PDIA5: variants seen among roughly 807,000 people sequenced by gnomAD.
PDIA5 encodes the protein protein disulfide isomerase family A member 5.
PDIA5 carries 58 observed loss-of-function variants against 77.6 expected under a neutral mutation model. That is an observed-to-expected ratio of 0.75 (90% CI 0.61 to 0.93). The LOEUF is 0.93. Among genes scored for constraint, PDIA5 ranks in the 40% least tolerant of loss-of-function variants. PDIA5 has a pLI of 0.00. For synonymous variants in PDIA5, 250 were observed against 252.1 expected (o/e 0.99, Z 0.08); for missense variants, 630 against 647.7 (o/e 0.97, Z 0.30).
chr3:123,145,079 C>T (rs2107981267), intron 11 of PDIA5: 1 of 158,390 alleles, frequency 6.3e-6, no homozygotes, highest in Admixed American at 6.4e-5. Context: ...CATGGTGCCA[C>T]AACCTACACG....
intron 1 of PDIA5, among the ~76,000 whole-genome samples, chr3:123,084,897 A>T (rs1159694473): frequency 6.6e-6 from 1 of 152,130 alleles, no homozygotes; most frequent in Non-Finnish European, 1.5e-5. Context: ...GGTCACGGCC[A>T]GATGAGTCTC....
chr3:123,140,479 A>G (rs1029364675), intron 11 of PDIA5, among the ~76,000 whole-genome samples: 1 of 152,244 alleles, frequency 6.6e-6, no homozygotes, highest in Non-Finnish European at 1.5e-5. Flanking sequence ...AATAAGAAGT[A>G]TTTTGTAATT....
chr3:123,116,594 C>T (rs566935557), intron 8 of PDIA5, among the ~76,000 whole-genome samples: 5 of 152,302 alleles, frequency 3.3e-5, no homozygotes, highest in South Asian at 2.1e-4. Context: ...GGACCAAGGT[C>T]GGAACATCGT....
intron 11 of PDIA5, among the ~76,000 whole-genome samples, chr3:123,141,609 G>A (rs1203691540): frequency 6.6e-6 from 1 of 152,242 alleles, no homozygotes; most frequent in Non-Finnish European, 1.5e-5. Flanking sequence ...AAGCAGGAGA[G>A]TGGGGGGCTC....
chr3:123,086,969 CTG>C (rs1934156029), intron 1 of PDIA5, among the ~76,000 whole-genome samples: 1 of 152,172 alleles, frequency 6.6e-6, no homozygotes, highest in African/African-American at 2.4e-5. Context: ...CTTTTGTGTG[CTG>C]ATGAAGTCTT....
In PDIA5 at chr3:123,106,806, G is replaced by A; in HGVS notation, c.445G>A (p.Gly149Arg). 1.2e-6 allele frequency: 2 copies of A among 1,612,666 alleles called. No individual in the cohort carries two copies. Among genetic ancestry groups the A allele is most frequent in the Non-Finnish European group, 1.7e-6 (2 of 1,179,530 alleles). ...GCCCCCACTGTGGGAGGAAGATCCT[G>A]GAGCCAAAGATGTTGTCCACCTTGA... The part of the protein sequence containing the change: ...KGPPLWEEDP[G>R]AKDVVHLDSE... The change falls in exon 6 of 17, where the codon GGA becomes AGA. Residue 149 changes from glycine to arginine, a missense_variant. Coordinates refer to ENST00000316218, the MANE Select transcript of PDIA5 (RefSeq NM_006810.4).
chr3:123,118,990 C>T (rs1358329931), intron 8 of PDIA5, among the ~76,000 whole-genome samples: 1 of 152,190 alleles, frequency 6.6e-6, no homozygotes, highest in Non-Finnish European at 1.5e-5. Context: ...GTGGTTCATG[C>T]CTGTAATCCC....
At chr3:123,099,111 T>C (rs1280790103) in intron 3 of PDIA5, among the ~76,000 whole-genome samples, 1 of 152,132 alleles carries the variant, frequency 6.6e-6, no homozygotes, top group Non-Finnish European at 1.5e-5. Context: ...GACACAACTA[T>C]GAGAAGGAGG....
chr3:123,113,596 C>G (rs540003583), intron 7 of PDIA5, among the ~76,000 whole-genome samples: 3 of 152,258 alleles, frequency 2.0e-5, no homozygotes, highest in South Asian at 2.1e-4. Context: ...TGATTATGCA[C>G]GTGTGTATGA....
chr3:123,150,986 C>T (rs556244640), intron 14 of PDIA5, among the ~76,000 whole-genome samples: 2 of 152,250 alleles, frequency 1.3e-5, no homozygotes, highest in Non-Finnish European at 2.9e-5. Flanking sequence ...GCCCTTCTCT[C>T]TCTCCCCCAG....
At chr3:123,133,287 T>A (rs1039720066) in intron 11 of PDIA5, among the ~76,000 whole-genome samples, 10 of 152,342 alleles carry the variant, frequency 6.6e-5, no homozygotes, top group African/African-American at 2.4e-4. Context: ...CTGCGTTTCC[T>A]AAGTGCAGAA....
chr3:123,079,721 G>A (rs1933947344), intron 1 of PDIA5, among the ~76,000 whole-genome samples: 1 of 152,178 alleles, frequency 6.6e-6, no homozygotes, highest in African/African-American at 2.4e-5. Context: ...AAATACTTTA[G>A]AGATACATGA....
At chr3:123,142,340 T>C (rs1186327371) in intron 11 of PDIA5, among the ~76,000 whole-genome samples, 1 of 152,188 alleles carries the variant, frequency 6.6e-6, no homozygotes, top group Non-Finnish European at 1.5e-5. Flanking sequence ...ATGTAATCGG[T>C]GTGTAAAATT....
At chr3:123,149,321 T>A (rs979170251) in intron 13 of PDIA5, among the ~76,000 whole-genome samples, 9 of 152,178 alleles carry the variant, frequency 5.9e-5, no homozygotes, top group African/African-American at 2.2e-4. Context: ...TGCAGAGGAA[T>A]GAGATCTTTG....
intron 3 of PDIA5, among the ~76,000 whole-genome samples, chr3:123,093,636 G>A (rs764979131): frequency 6.6e-5 from 10 of 152,166 alleles, no homozygotes; most frequent in Non-Finnish European, 1.3e-4. Context: ...TTTACTATGT[G>A]CTTTGAGAAT....
chr3:123,125,188 G>A (rs1027326201), intron 10 of PDIA5, among the ~76,000 whole-genome samples: 2 of 152,164 alleles, frequency 1.3e-5, no homozygotes, highest in Admixed American at 6.5e-5. Flanking sequence ...TGTGTGTCAC[G>A]AGTTTGGCAC....
At chr3:123,093,218 T>C (rs1355120494) in intron 3 of PDIA5, among the ~76,000 whole-genome samples, 1 of 152,062 alleles carries the variant, frequency 6.6e-6, no homozygotes, top group Non-Finnish European at 1.5e-5. Flanking sequence ...TGAGTGAAAC[T>C]AGGATAATAA....
At chr3:123,161,798 C>A in intron 16 of PDIA5, 82 bp from the exon 17 acceptor site, 1 of 925,046 alleles carries the variant, frequency 1.1e-6, no homozygotes, top group Non-Finnish European at 1.8e-6. Context: ...CCTGGAGGGG[C>A]TGGGGGTGTG....
intron 2 of PDIA5, among the ~76,000 whole-genome samples, chr3:123,089,739 C>A (rs1010745166): frequency 2.0e-5 from 3 of 152,246 alleles, no homozygotes; most frequent in Non-Finnish European, 4.4e-5. Flanking sequence ...GAAGTACTCA[C>A]CCCAGCTGGC....
Sources: gnomAD v4.1 joint callset for allele counts (sites outside exome capture counted in the v4.1 genomes callset) on GRCh38, gnomAD v4.1.1 for gene constraint, MANE v1.5 for transcripts, NCBI Gene and HGNC (gene_info 2026-07-23, HGNC 2026-07-21) for gene names.